POLK: variants seen among roughly 807,000 people sequenced by gnomAD.
POLK encodes DNA polymerase kappa, also known as polymerase (DNA directed) kappa.
In POLK, 76 loss-of-function variants were observed where a neutral mutation model predicts 94.0. That is an observed-to-expected ratio of 0.81 (90% confidence interval 0.67 to 0.98). The LOEUF (loss-of-function observed/expected upper bound fraction) is 0.98. Among genes scored for constraint, POLK ranks in the 50% least tolerant of loss-of-function variants. POLK has a pLI of 0.00. For missense variants in POLK, 954 were observed against 1,010.1 expected, an observed-to-expected ratio of 0.94 and a Z score of 0.75; for synonymous variants, 349 against 325.4, an observed-to-expected ratio of 1.07 and a Z score of -0.78.
chr5:75,538,252 A>T (rs998603625), intron 1 of POLK, among the ~76,000 whole-genome samples: 2 of 152,164 alleles, frequency 1.3e-5, no homozygotes, highest in African/African-American at 4.8e-5. Context: ...ATAATGCTAT[A>T]CCATGTGCAC....
chr5:75,601,914 C>T (rs1773304809), downstream of POLK, among the ~76,000 whole-genome samples: 1 of 152,168 alleles, frequency 6.6e-6, no homozygotes, highest in Admixed American at 6.5e-5. Flanking sequence ...GACCCTAATA[C>T]ACCACCAAAC....
At position 75,598,047 on chromosome 5, in the gene POLK, A is replaced by G. The variant is rs373703109; in HGVS notation, c.*29A>G. 1.2e-3 allele frequency: 1,050 copies of G among 858,508 alleles called. 5 individuals are homozygous for G. The highest frequency in any genetic ancestry group is 1.4e-3 in the Non-Finnish European group (787 of 554,126). The allele number at this position is 858,508 out of a possible 1,614,324, so 53.2% of individuals were successfully genotyped here. A position where few individuals can be genotyped will look rare whatever the true frequency, so the allele number is the denominator to read the frequency against. Reference sequence around the variant, plus strand: ...TTGAACATTTTATCATTAATTTTTAATTGAAACTAGTTATTTTATAATCAA... The same window carrying G: ...TTGAACATTTTATCATTAATTTTTAGTTGAAACTAGTTATTTTATAATCAA... On this transcript the variant is annotated 3_prime_UTR_variant, in exon 15 of 15. Transcript: ENST00000241436.
intron 3 of POLK, among the ~76,000 whole-genome samples, chr5:75,554,980 A>G (rs1255777247): frequency 6.6e-6 from 1 of 152,108 alleles, no homozygotes. Context: ...AAGCCTGTAT[A>G]AAAAGACCTT....
intron 1 of POLK, among the ~76,000 whole-genome samples, chr5:75,513,173 A>G (rs1323733671): frequency 6.6e-6 from 1 of 152,180 alleles, no homozygotes; most frequent in Non-Finnish European, 1.5e-5. Flanking sequence ...TTAAGTAGGC[A>G]TTGCCAATAT....
chr5:75,597,978 CA>C lies in POLK; in HGVS notation c.2576del (p.Asn859ThrfsTer15). On this transcript the variant is annotated frameshift_variant, in exon 15 of 15. Transcript: ENST00000241436. LOFTEE classifies it high-confidence loss of function. ...TACTCAACATCAAAGAAAATAAAAC[CA>C]AACAATCCCAAACATACCCTTGATA... 6.8e-7 allele frequency: 1 copy of C among 1,461,542 alleles called. No individual in the cohort carries two copies. Among genetic ancestry groups the C allele is most frequent in the Non-Finnish European group, 9.3e-7 (1 of 1,075,198 alleles). The allele number at this position is 1,461,542 out of a possible 1,614,324, so 90.5% of individuals were successfully genotyped here.
intron 6 of POLK, chr5:75,580,526 C>A: frequency 1.5e-6 from 1 of 655,638 alleles, no homozygotes; most frequent in Non-Finnish European, 1.9e-6. Flanking sequence ...AATAACGTCT[C>A]TTTTTCTTAA....
At chr5:75,554,476 A>G (rs1391359457) in intron 3 of POLK, among the ~76,000 whole-genome samples, 3 of 152,006 alleles carry the variant, frequency 2.0e-5, no homozygotes, top group African/African-American at 7.2e-5. Flanking sequence ...TTATATATAT[A>G]TATATCTTCC....
exon 5 of POLK, chr5:75,573,766 T>C (rs979366857): frequency 6.2e-7 from 1 of 1,613,054 alleles, no homozygotes; most frequent in African/African-American, 1.3e-5. Flanking sequence ...GCAAGGAGAT[T>C]TGGTGTTCGT....
chr5:75,570,066 A>C (rs1771512533), intron 4 of POLK, among the ~76,000 whole-genome samples: 1 of 152,232 alleles, frequency 6.6e-6, no homozygotes, highest in Non-Finnish European at 1.5e-5. Flanking sequence ...TAAAGTGCAC[A>C]ATAAATGTGA....
chr5:75,534,783 ACAATAG>A (rs1192451922), intron 1 of POLK: 1 of 152,180 alleles, frequency 6.6e-6, no homozygotes, highest in Non-Finnish European at 1.5e-5. Flanking sequence ...GTCTGAAATT[ACAATAG>A]CAATCCATGC....
At chr5:75,559,501 G>A (rs967416463) in intron 3 of POLK, among the ~76,000 whole-genome samples, 2 of 130,318 alleles carry the variant, frequency 1.5e-5, no homozygotes, top group Non-Finnish European at 3.4e-5. Flanking sequence ...TTGATTTGGG[G>A]TTTGTTTTTT....
chr5:75,576,828 C>T, exon 6 of POLK: 13 of 1,553,042 alleles, frequency 8.4e-6, no homozygotes, highest in Non-Finnish European at 1.1e-5. Flanking sequence ...GGCCATGAGT[C>T]TTGATGAAGC....
intron 7 of POLK, 191 bp downstream of exon 7, chr5:75,581,639 C>A: frequency 1.8e-6 from 1 of 546,174 alleles, no homozygotes; most frequent in Non-Finnish European, 3.2e-6. Flanking sequence ...ATTAAGCAGA[C>A]TATGAGCCTG....
chr5:75,608,349 A>G, the POLK span, among the ~76,000 whole-genome samples: 1 of 152,192 alleles, frequency 6.6e-6, no homozygotes, highest in Non-Finnish European at 1.5e-5. Context: ...CTGCCCCACC[A>G]CCACCAGCTA....
chr5:75,579,342 A>G (rs1276896079), intron 6 of POLK, among the ~76,000 whole-genome samples: 1 of 151,828 alleles, frequency 6.6e-6, no homozygotes, highest in Non-Finnish European at 1.5e-5. Flanking sequence ...TACCATTTCA[A>G]TTGTTTCACA....
intron 1 of POLK, among the ~76,000 whole-genome samples, chr5:75,546,617 A>ACCCCACC (rs1356759589): frequency 9.4e-6 from 1 of 106,040 alleles, no homozygotes; most frequent in African/African-American, 3.6e-5. Context: ...CTCCTGCCCC[A>ACCCCACC]CCCCACCCCC....
At chr5:75,511,825 G>C in exon 1 of POLK, 1 of 1,551,204 alleles carries the variant, frequency 6.4e-7, no homozygotes, top group South Asian at 1.2e-5. Flanking sequence ...GGGCGGGGTA[G>C]GGATGCAGCT....
At chr5:75,525,015 T>A (rs994132858) in intron 1 of POLK, among the ~76,000 whole-genome samples, 1 of 152,200 alleles carries the variant, frequency 6.6e-6, no homozygotes, top group South Asian at 2.1e-4. Flanking sequence ...GAGTTTTCAG[T>A]TAGAATTTAT....
At chr5:75,594,431 C>G (rs1393460336) in intron 12 of POLK, among the ~76,000 whole-genome samples, 1 of 152,170 alleles carries the variant, frequency 6.6e-6, no homozygotes, top group Non-Finnish European at 1.5e-5. Context: ...ATGTGTGAAG[C>G]CATGATCATT....
Sources: allele counts gnomAD v4.1 joint callset (sites outside exome capture counted in the v4.1 genomes callset), GRCh38; gene constraint gnomAD v4.1.1; transcripts MANE v1.5; gene names NCBI Gene and HGNC (gene_info 2026-07-23, HGNC 2026-07-21).